TMC3: variants seen among roughly 807,000 people sequenced by gnomAD.
TMC3 encodes the protein transmembrane channel like 3.
Under a neutral mutation model 110.6 loss-of-function variants are expected in TMC3, and 98 were observed. The observed-to-expected ratio is 0.89, with a 90% CI of 0.75 to 1.05. TMC3 has a LOEUF of 1.05. TMC3 is among the 50% of genes least tolerant of loss of function. The pLI is 0.00. For synonymous variants in TMC3, 489 were observed against 513.1 expected, an observed-to-expected ratio of 0.95 and a Z score of 0.63; for missense variants, 1,319 against 1,373.2, an observed-to-expected ratio of 0.96 and a Z score of 0.62.
chr15:81,372,800 CT>C, intron 1 of TMC3, 63 bp from the exon 2 acceptor site: 2 of 1,567,072 alleles, frequency 1.3e-6, no homozygotes, highest in Non-Finnish European at 1.7e-6. Flanking sequence ...CAAAGATCAT[CT>C]TGCCCTGGGC....
intron 3 of TMC3, among the ~76,000 whole-genome samples, chr15:81,367,982 T>G (rs1450538588): frequency 6.6e-6 from 1 of 152,224 alleles, no homozygotes; most frequent in Non-Finnish European, 1.5e-5. Flanking sequence ...TCACCCAGAC[T>G]GGAGTGCAGT....
chr15:81,346,435 A>T lies in TMC3; in HGVS notation c.1202T>A (p.Val401Glu), dbSNP rs1402896561. Residue 401 changes from valine (V) to glutamate (E), a missense_variant, in exon 12 of 22, where the codon GTG (valine) becomes GAG (glutamate). Physicochemically the swap from Val to Glu is moderately radical, Grantham distance 121. Transcript: ENST00000359440. ...TLRFQLARVL[V>E]LYLGNLYSLI... ...GCTGTAGAGATTTCCCAAATACAGC[A>T]CAAGGACCCTGAAAGCCACAAGCCC... is the stretch of plus-strand genomic sequence containing the variant. 6.2e-7 allele frequency: 1 copy of T among 1,613,512 alleles called. No individual in the cohort carries two copies. Among genetic ancestry groups the T allele is most frequent in the African/African-American group, 1.3e-5 (1 of 75,046 alleles).
chr15:81,372,254 G>C (rs912183159), intron 2 of TMC3, among the ~76,000 whole-genome samples: 1 of 151,348 alleles, frequency 6.6e-6, no homozygotes, highest in Admixed American at 6.6e-5. Context: ...TGTTTAGAAA[G>C]GAGGTAGAAG....
At position 81,344,485 on chromosome 15, in the gene TMC3, T is replaced by C. The variant is rs181450493; in HGVS notation, c.1518+281A>G. Among the ~76,000 whole-genome samples, 12 of 152,348 alleles carry C rather than the reference T, an allele frequency of 7.9e-5. No homozygotes were observed. The East Asian group carries it at 2.3e-3, about 29-fold the overall frequency. On this transcript the variant is annotated intron_variant, in intron 13 of 21. Coordinates refer to ENST00000359440, the MANE Select transcript of TMC3 (RefSeq NM_001080532.3). ...ACTATCTGTGTCCTTGGGCAAGTAC[T>C]TGACCACTGTGCCTCAGTTTCCTCA...
At position 81,332,074 on chromosome 15, in the gene TMC3, C is replaced by A; in HGVS notation, c.*345G>T. On this transcript the variant is annotated 3_prime_UTR_variant, in exon 22 of 22. Coordinates refer to ENST00000359440, the MANE Select transcript of TMC3 (RefSeq NM_001080532.3). ...GCTTTAAAGCTTTTCAGTAAACTTTCATGCCTGCTCTAAAACTTGCCTCAG... is the reference window on the plus strand; with the variant it reads ...GCTTTAAAGCTTTTCAGTAAACTTTAATGCCTGCTCTAAAACTTGCCTCAG... 1 of 227,452 alleles carries A rather than the reference C, an allele frequency of 4.4e-6. No homozygotes were observed. Among genetic ancestry groups the A allele is most frequent in the East Asian group, 9.9e-5 (1 of 10,150 alleles). The allele number at this position is 227,452 out of a possible 1,614,324, so 14.1% of individuals were successfully genotyped here.
intron 13 of TMC3, 52 bp from the exon 14 acceptor site, chr15:81,344,097 C>A: frequency 6.3e-7 from 1 of 1,576,868 alleles, no homozygotes; most frequent in South Asian, 1.1e-5. Flanking sequence ...TTCCCACGGT[C>A]ACTCTTCCTT....
intron 2 of TMC3, among the ~76,000 whole-genome samples, chr15:81,372,320 ACT>A (rs1241019201): frequency 1.3e-5 from 2 of 148,420 alleles, no homozygotes; most frequent in Non-Finnish European, 3.0e-5. Flanking sequence ...AACTCTTTAT[ACT>A]CTCTCTTTCT....
chr15:81,338,536 TCTAAGC>T lies in TMC3; in HGVS notation c.2081+113_2081+118del, dbSNP rs1484601628. On this transcript the variant is annotated intron_variant, in intron 18 of 21. Coordinates refer to ENST00000359440, the MANE Select transcript of TMC3 (RefSeq NM_001080532.3). ...AGAGTCCCTGTTGAGATCATCAGGCTCTAAGCCTAAGTGATTTTTGAATGAACTAAT... is the reference window on the plus strand; with the variant it reads ...AGAGTCCCTGTTGAGATCATCAGGCTCTAAGTGATTTTTGAATGAACTAAT... 2.9e-6 allele frequency: 4 copies of T among 1,366,832 alleles called. No homozygotes were observed. The African/African-American group carries it at 4.4e-5, about 15-fold the overall frequency. 84.7% of individuals were successfully genotyped at this position (1,366,832 alleles called of 1,614,324 possible).
intron 2 of TMC3, among the ~76,000 whole-genome samples, chr15:81,371,974 A>G (rs959522468): frequency 6.6e-6 from 1 of 152,216 alleles, no homozygotes; most frequent in Non-Finnish European, 1.5e-5. Context: ...AAGAAAATTA[A>G]TATCACATAG....
chr15:81,337,379 G>A (rs1344661344), intron 19 of TMC3, among the ~76,000 whole-genome samples: 2 of 152,140 alleles, frequency 1.3e-5, no homozygotes, highest in Admixed American at 1.3e-4. Flanking sequence ...GAGAGATAGG[G>A]TTTGAGCCCC....
At position 81,355,763 on chromosome 15, in the gene TMC3, A is replaced by G; in HGVS notation, c.897T>C (p.Ala299=). 6.3e-7 allele frequency: 1 copy of G among 1,587,678 alleles called. No homozygotes were observed. Among genetic ancestry groups the G allele is most frequent in the Non-Finnish European group, 8.6e-7 (1 of 1,159,478 alleles). The change falls in exon 9 of 22, where the codon GCT becomes GCC. Residue 299 remains alanine (A), a synonymous_variant. Coordinates refer to ENST00000359440, the MANE Select transcript of TMC3 (RefSeq NM_001080532.3). The stretch of plus-strand genomic sequence containing the variant: ...TCTTTTTCTCCTGTTCTTCCAATAT[A>G]GCTTCCTTTAAGAAAAATACATACA... The part of the protein sequence containing the change: ...TAAIVNSIRE[A]ILEEQEKKKS...
intron 3 of TMC3, among the ~76,000 whole-genome samples, chr15:81,364,600 T>C (rs1343123800): frequency 6.7e-6 from 1 of 149,832 alleles, no homozygotes; most frequent in East Asian, 2.0e-4. Context: ...CGTTAGTGGG[T>C]GCAGCGCACC....
intron 11 of TMC3, among the ~76,000 whole-genome samples, chr15:81,348,496 G>C (rs1893872886): frequency 1.3e-5 from 2 of 152,208 alleles, no homozygotes; most frequent in African/African-American, 4.8e-5. Context: ...CTCAAAATGA[G>C]TGTGGTTGTT....
rs1178576929 is a variant in TMC3 at position 81,332,297 on chromosome 15, G to GACCATGCCCCTC, written c.*110_*121dup. ...CTCAGGGCCTCAGCTAGCAGCCGCT[G>GACCATGCCCCTC]ACCATGCCCCTCAGGTCTCTAACAC... On this transcript the variant is annotated 3_prime_UTR_variant, in exon 22 of 22. Coordinates refer to ENST00000359440, the MANE Select transcript of TMC3 (RefSeq NM_001080532.3). 15 of 1,378,760 alleles carry GACCATGCCCCTC rather than the reference G, an allele frequency of 1.1e-5. No individual in the cohort carries two copies. Among genetic ancestry groups the GACCATGCCCCTC allele is most frequent in the Non-Finnish European group, 1.4e-5 (15 of 1,041,822 alleles). The allele number at this position is 1,378,760 out of a possible 1,614,324, so 85.4% of individuals were successfully genotyped here.
chr15:81,344,658 T>C (rs1893784656), intron 13 of TMC3, 108 bp downstream of exon 13: 1 of 1,160,732 alleles, frequency 8.6e-7, no homozygotes, highest in South Asian at 1.5e-5. Context: ...TAAACCTCAC[T>C]GAACTTTTCT....
chr15:81,368,627 C>G (rs534245719), intron 2 of TMC3, among the ~76,000 whole-genome samples: 1 of 152,278 alleles, frequency 6.6e-6, no homozygotes. Flanking sequence ...TGGTGCTTGG[C>G]TGGGAATTCT....
intron 9 of TMC3, among the ~76,000 whole-genome samples, chr15:81,355,063 C>T (rs777050547): frequency 3.3e-5 from 5 of 152,146 alleles, no homozygotes; most frequent in Non-Finnish European, 7.3e-5. Flanking sequence ...ACTCCTCCCC[C>T]ACTCCCTAAG....
chr15:81,332,107 T>C lies in TMC3; in HGVS notation c.*312A>G. On this transcript the variant is annotated 3_prime_UTR_variant, in exon 22 of 22. Coordinates refer to ENST00000359440, the MANE Select transcript of TMC3 (RefSeq NM_001080532.3). ...CTCTAAAACTTGCCTCAGTCTCTCC[T>C]TCTGTCTTGAGCCCCTCTGCCAAAT... 3.4e-6 allele frequency: 1 copy of C among 295,418 alleles called. No homozygotes were observed. Among genetic ancestry groups the C allele is most frequent in the Non-Finnish European group, 6.3e-6 (1 of 158,738 alleles). The allele number at this position is 295,418 out of a possible 1,614,324, so 18.3% of individuals were successfully genotyped here.
At chr15:81,345,066 T>G (rs1360273718) in intron 12 of TMC3, 55 bp from the exon 13 acceptor site, 1 of 1,532,828 alleles carries the variant, frequency 6.5e-7, no homozygotes, top group Non-Finnish European at 8.8e-7. Flanking sequence ...AAAATGGCGG[T>G]CCACATATTT....
Sources: allele counts gnomAD v4.1 joint callset (sites outside exome capture counted in the v4.1 genomes callset), GRCh38; gene constraint gnomAD v4.1.1; transcripts MANE v1.5; gene names NCBI Gene and HGNC (gene_info 2026-07-23, HGNC 2026-07-21).